LRRC74A: variants seen among roughly 807,000 people sequenced by gnomAD.
The protein encoded by LRRC74A is leucine-rich repeat-containing protein 74A.
LRRC74A carries 44 observed loss-of-function variants against 57.9 expected under a neutral mutation model. The observed-to-expected ratio is 0.76, with a 90% CI of 0.60 to 0.98. The LOEUF (loss-of-function observed/expected upper bound fraction) is 0.98, where lower values mean the gene tolerates loss of function less well. LRRC74A is among the 50% of genes least tolerant of loss of function. LRRC74A has a pLI of 0.00. For synonymous variants in LRRC74A, 211 were observed against 219.4 expected (o/e 0.96, Z 0.34); for missense variants, 572 against 574.0 (o/e 1.00, Z 0.04).
At chr14:76,840,376 C>T (rs1330063946) in intron 5 of LRRC74A, among the ~76,000 whole-genome samples, 5 of 152,116 alleles carry the variant, frequency 3.3e-5, no homozygotes, top group Non-Finnish European at 7.3e-5. Context: ...TCTAATATAT[C>T]TAGTACTTGT....
At chr14:76,854,054 C>G (rs1475424611) in intron 9 of LRRC74A, among the ~76,000 whole-genome samples, 1 of 152,172 alleles carries the variant, frequency 6.6e-6, no homozygotes, top group African/African-American at 2.4e-5. Flanking sequence ...AAGTGCCCCT[C>G]CAGCCTCAGT....
chr14:76,869,086 CCGTGCCTCCT>C (rs1474241047), intron 13 of LRRC74A, among the ~76,000 whole-genome samples: 5 of 11,722 alleles, frequency 4.3e-4, no homozygotes, highest in Admixed American at 1.4e-3. Context: ...CTCACCTGCC[CCGTGCCTCCT>C]CACCTGCCCC....
chr14:76,830,690 TA>T (rs1326600126), intron 2 of LRRC74A, among the ~76,000 whole-genome samples: 1 of 152,270 alleles, frequency 6.6e-6, no homozygotes, highest in Admixed American at 6.5e-5. Context: ...CACTCTGTCC[TA>T]GTTGGGCTTT....
intron 3 of LRRC74A, among the ~76,000 whole-genome samples, chr14:76,835,486 C>CA (rs11362184): frequency 2.4e-4 from 31 of 130,752 alleles, no homozygotes; most frequent in East Asian, 6.7e-4. Flanking sequence ...GACTCCATCT[C>CA]AAAAAAAAAA....
At chr14:76,857,993 G>T (rs1488167452) in intron 10 of LRRC74A, among the ~76,000 whole-genome samples, 1 of 152,192 alleles carries the variant, frequency 6.6e-6, no homozygotes. Context: ...GGGAACTCTT[G>T]CCTGAATCAG....
At chr14:76,831,951 A>G (rs1011049895) in intron 3 of LRRC74A, among the ~76,000 whole-genome samples, 45 of 152,316 alleles carry the variant, frequency 3.0e-4, no homozygotes, top group African/African-American at 1.1e-3. Flanking sequence ...TACACACAAA[A>G]CTGACTCCCA....
In LRRC74A at chr14:76,862,300, C is replaced by G. The variant is rs189056926; in HGVS notation, c.1200+1461C>G. 6.9e-3 allele frequency among the ~76,000 whole-genome samples: 1,049 copies of G among 152,262 alleles called. 8 individuals are homozygous for G. Among genetic ancestry groups the G allele is most frequent in the Non-Finnish European group, 9.6e-3 (653 of 68,018 alleles). ...ATCCCAGCAATTCGGGAGGCCAAAGCGGGTGGATCACTTGAGGTCAGAAGT... is the reference window on the plus strand; with the variant it reads ...ATCCCAGCAATTCGGGAGGCCAAAGGGGGTGGATCACTTGAGGTCAGAAGT... On this transcript the variant is annotated intron_variant, in intron 11 of 13. Coordinates refer to ENST00000689127, the MANE Select transcript of LRRC74A (RefSeq NM_001385106.1).
Position 76,826,552 on chromosome 14 carries a change from G to A in LRRC74A, c.-146G>A. The A allele has an allele frequency of 6.2e-7, 1 of 1,612,162 alleles. No individual in the cohort carries two copies. On this transcript the variant is annotated 5_prime_UTR_variant, in exon 1 of 14. Coordinates refer to ENST00000689127, the MANE Select transcript of LRRC74A (RefSeq NM_001385106.1). ...TTCCCAGGGCTTGCTGGGAGGGAAG[G>A]ATAACTGCAGGCTCCCCTGGGATGC...
chr14:76,831,289 A>C lies in LRRC74A; in HGVS notation c.253A>C (p.Ile85Leu). The C allele has an allele frequency of 6.2e-7, 1 of 1,614,042 alleles. No individual in the cohort carries two copies. Among genetic ancestry groups the C allele is most frequent in the Non-Finnish European group, 8.5e-7 (1 of 1,179,884 alleles). ...LMGVVPVSYF[I>L]RNMEESYVNL... ...GGGTGTAGTGCCTGTCTCCTACTTC[A>C]TTCGGAACATGGAGGAGTCCTACGT... The change falls in exon 3 of 14, where the codon ATT becomes CTT. Residue 85 changes from isoleucine to leucine, a missense_variant. By Grantham distance (5) the Ile-to-Leu change is conservative (BLOSUM62 2). Coordinates refer to ENST00000689127, the MANE Select transcript of LRRC74A (RefSeq NM_001385106.1).
At chr14:76,844,311 C>G in intron 5 of LRRC74A, 112 bp from the exon 6 acceptor site, 1 of 1,044,790 alleles carries the variant, frequency 9.6e-7, no homozygotes, top group South Asian at 1.4e-5. Context: ...CCCCTACCAC[C>G]TTTTTTCTGT....
In LRRC74A at chr14:76,857,424, C is replaced by T. The variant is rs908285782; in HGVS notation, c.1002C>T (p.Ile334=). ...PINMDGAILL[I]LAIKRNPKSR... Reference sequence around the variant, plus strand: ...ATATGGATGGGGCTATTTTACTTATCCTGGCTATCAAGAGGAACCCCAAAT... The same window carrying T: ...ATATGGATGGGGCTATTTTACTTATTCTGGCTATCAAGAGGAACCCCAAAT... The change falls in exon 10 of 14, where the codon ATC becomes ATT. Residue 334 remains isoleucine, a synonymous_variant. Transcript: ENST00000689127. 1 of 1,587,486 alleles carries T rather than the reference C, an allele frequency of 6.3e-7. No homozygotes were observed. The highest frequency in any genetic ancestry group is 2.3e-5 in the East Asian group (1 of 44,246).
chr14:76,869,890 C>A (rs954775147), intron 13 of LRRC74A, among the ~76,000 whole-genome samples: 1 of 152,214 alleles, frequency 6.6e-6, no homozygotes, highest in Non-Finnish European at 1.5e-5. Context: ...TGCAAACGAT[C>A]TTAGGTGCAC....
In LRRC74A at chr14:76,826,701, G is replaced by A. The variant is rs1895599230; in HGVS notation, c.4G>A (p.Asp2Asn). Residue 2 changes from aspartate (D) to asparagine (N), a missense_variant, in exon 1 of 14, where the codon GAC (aspartate) becomes AAC (asparagine). Asp to Asn is a conservative substitution (Grantham distance 23). Coordinates refer to ENST00000689127, the MANE Select transcript of LRRC74A (RefSeq NM_001385106.1). ...CCCTCAAGAGGGTCCTGGCACCATG[G>A]ACAATGACAAGCCTCTTCAGCCTGA... M[D>N]NDKPLQPETE... 6.5e-7 allele frequency: 1 copy of A among 1,548,422 alleles called. No homozygotes were observed. Among genetic ancestry groups the A allele is most frequent in the South Asian group, 1.2e-5 (1 of 84,826 alleles).
intron 5 of LRRC74A, among the ~76,000 whole-genome samples, chr14:76,840,978 A>C (rs1896727703): frequency 1.3e-5 from 2 of 152,220 alleles, no homozygotes; most frequent in African/African-American, 2.4e-5. Flanking sequence ...AGATGTTGTG[A>C]CTAATACAAA....
chr14:76,843,235 A>T (rs1360929781), intron 5 of LRRC74A, among the ~76,000 whole-genome samples: 1 of 148,112 alleles, frequency 6.8e-6, no homozygotes, highest in African/African-American at 2.5e-5. Flanking sequence ...GTAAGCCGAG[A>T]TCACGCCACT....
chr14:76,828,248 A>G (rs776618874), intron 1 of LRRC74A, 43 bp from the exon 2 acceptor site: 1 of 1,551,036 alleles, frequency 6.4e-7, no homozygotes, highest in East Asian at 2.3e-5. Context: ...GGAGGCCAGC[A>G]AGTTTTATTC....
At chr14:76,850,569 A>T (rs578011247) in intron 7 of LRRC74A, among the ~76,000 whole-genome samples, 1 of 152,256 alleles carries the variant, frequency 6.6e-6, no homozygotes, top group African/African-American at 2.4e-5. Context: ...TGCACTGTCC[A>T]TGAAAAATAA....
intron 9 of LRRC74A, among the ~76,000 whole-genome samples, chr14:76,856,259 T>A (rs1050767673): frequency 2.0e-5 from 3 of 152,192 alleles, no homozygotes; most frequent in Admixed American, 6.5e-5. Context: ...TCCTCATTAG[T>A]CCTGCAAGGC....
intron 6 of LRRC74A, 140 bp downstream of exon 6, chr14:76,844,612 C>A: frequency 1.1e-6 from 1 of 870,436 alleles, no homozygotes; most frequent in Admixed American, 2.2e-5. Context: ...CTGCCAACCC[C>A]AACAAAGGCA....
Sources: allele counts gnomAD v4.1 joint callset (sites outside exome capture counted in the v4.1 genomes callset), GRCh38; gene constraint gnomAD v4.1.1; transcripts MANE v1.5; gene names NCBI Gene and HGNC (gene_info 2026-07-23, HGNC 2026-07-21).